The following MIOS variants were observed in gnomAD, a reference collection of about 807,000 sequenced individuals.
The protein encoded by MIOS is GATOR2 complex protein MIOS.
A neutral mutation model predicts 96.9 loss-of-function variants in MIOS; 52 were observed. The ratio of observed to expected loss-of-function variants is 0.54; its 90% CI spans 0.43 to 0.68. MIOS has a LOEUF of 0.68. MIOS is among the 30% of genes least tolerant of loss of function. MIOS has a pLI of 0.00. For synonymous variants in MIOS, 397 were observed against 359.5 expected, an observed-to-expected ratio of 1.10 and a Z score of -1.18; for missense variants, 1,005 against 1,052.8, an observed-to-expected ratio of 0.95 and a Z score of 0.63.
At chr7:7,606,876 A>G (rs907140490) in intron 12 of MIOS, 120 bp from the exon 13 acceptor site, 4 of 764,044 alleles carry the variant, frequency 5.2e-6, no homozygotes, top group Admixed American at 2.7e-5. Flanking sequence ...ACTTGAGCCC[A>G]AAAGTGTGCG....
intron 11 of MIOS, among the ~76,000 whole-genome samples, chr7:7,601,152 A>G (rs1238140906): frequency 6.6e-6 from 1 of 152,200 alleles, no homozygotes; most frequent in Non-Finnish European, 1.5e-5. Context: ...ATCACAATTG[A>G]AAGAACTAGA....
intron 8 of MIOS, among the ~76,000 whole-genome samples, chr7:7,589,083 T>G (rs1283935864): frequency 6.6e-6 from 1 of 152,168 alleles, no homozygotes; most frequent in Non-Finnish European, 1.5e-5. Context: ...TTTGTGATTC[T>G]GTTACATACT....
chr7:7,596,027 C>G (rs1784193845), intron 10 of MIOS, among the ~76,000 whole-genome samples: 1 of 152,042 alleles, frequency 6.6e-6, no homozygotes, highest in South Asian at 2.1e-4. Context: ...GTTCTTCCAC[C>G]AATTTCAGTG....
chr7:7,571,259 A>AT (rs1322792986), intron 3 of MIOS, among the ~76,000 whole-genome samples: 14 of 152,218 alleles, frequency 9.2e-5, no homozygotes, highest in Admixed American at 7.2e-4. Flanking sequence ...TTGAAACACC[A>AT]TTTTTAACTA....
chr7:7,606,441 GTTCTC>G (rs1199280402), intron 12 of MIOS, among the ~76,000 whole-genome samples: 3 of 152,176 alleles, frequency 2.0e-5, no homozygotes, highest in Non-Finnish European at 4.4e-5. Context: ...CTCTGCCTCA[GTTCTC>G]TTCTAAGTAA....
At chr7:7,592,365 T>G (rs565189137) in intron 9 of MIOS, among the ~76,000 whole-genome samples, 1 of 152,224 alleles carries the variant, frequency 6.6e-6, no homozygotes, top group Non-Finnish European at 1.5e-5. Context: ...TTCATTTCAG[T>G]TATTGTGCTT....
At chr7:7,600,953 G>A (rs1453358792) in intron 11 of MIOS, among the ~76,000 whole-genome samples, 1 of 152,132 alleles carries the variant, frequency 6.6e-6, no homozygotes, top group Non-Finnish European at 1.5e-5. Context: ...TGAACAACGT[G>A]CTCCTGAATG....
chr7:7,575,678 T>C (rs77195736), intron 5 of MIOS, among the ~76,000 whole-genome samples: 2,493 of 152,242 alleles, frequency 0.016, 73 homozygotes, highest in African/African-American at 0.057. Context: ...ATTGTGTTTT[T>C]TGTATTTTGA....
At position 7,573,080 on chromosome 7, in the gene MIOS, C is replaced by T. The variant is rs780877408; in HGVS notation, c.605C>T (p.Ala202Val). The T allele has an allele frequency of 8.1e-6, 13 of 1,614,076 alleles. No individual in the cohort carries two copies. Among genetic ancestry groups the T allele is most frequent in the African/African-American group, 1.3e-5 (1 of 75,016 alleles). ...CCACGAGACCAGAAACTTCTCCTTGCTGGTATGCATCGTAACCTAGCTATA... is the reference window on the plus strand; with the variant it reads ...CCACGAGACCAGAAACTTCTCCTTGTTGGTATGCATCGTAACCTAGCTATA... Reference protein sequence around the residue: ...WLPRDQKLLLAGMHRNLAIFD... With the variant: ...WLPRDQKLLLVGMHRNLAIFD... The change falls in exon 4 of 13, where the codon GCT becomes GTT. Residue 202 changes from alanine (A) to valine (V), a missense_variant. Around this residue, in one of 3 missense-constraint regions of MIOS, gnomAD observed 865 missense variants for 887.9 expected, o/e 0.97. Coordinates refer to ENST00000340080, the MANE Select transcript of MIOS (RefSeq NM_019005.4). The surrounding 1 kb of genome is among the most constrained non-coding windows in gnomAD (Gnocchi z 5.0).
rs1261949072 is a variant in MIOS, at chr7:7,572,510, C to T, written c.35C>T (p.Pro12Leu). 5 of 1,613,720 alleles carry T rather than the reference C, an allele frequency of 3.1e-6. No individual in the cohort carries two copies. In the South Asian group the frequency reaches 3.3e-5, roughly 11 times the overall value. The change falls in exon 4 of 13, where the codon CCA (proline) becomes CTA (leucine). Residue 12 changes from proline (P) to leucine (L), a missense_variant. Pro to Leu is a moderately conservative substitution (Grantham distance 98). Coordinates refer to ENST00000340080, the MANE Select transcript of MIOS (RefSeq NM_019005.4). This position sits in a 1 kb window ranked among gnomAD's most constrained non-coding sequence, Gnocchi z 4.8. ...ACCAAACCTGATATTTTATGGGCAC[C>T]ACACCATGTTGATAGATTTGTTGTG... ...SGTKPDILWA[P>L]HHVDRFVVCD...
At chr7:7,596,548 C>T (rs1480618041) in intron 11 of MIOS, 87 bp downstream of exon 11, 1 of 1,276,498 alleles carries the variant, frequency 7.8e-7, no homozygotes, top group Admixed American at 1.8e-5. Flanking sequence ...TACAAACTAG[C>T]TAGAGTTATT....
Position 7,583,186 on chromosome 7 carries a change from G to C in MIOS, c.1462G>C (p.Glu488Gln). 1 of 1,614,146 alleles carries C rather than the reference G, an allele frequency of 6.2e-7. No individual in the cohort carries two copies. Among genetic ancestry groups the C allele is most frequent in the African/African-American group, 1.3e-5 (1 of 75,070 alleles). ...DKQSDIQNLNEERILALQLCG... is the reference protein window; with the variant it reads ...DKQSDIQNLNQERILALQLCG... Reference sequence around the variant, plus strand: ...GCAAAGTGATATTCAAAATTTAAATGAAGAGAGAATCTTAGCTTTACAGCT... The same window carrying C: ...GCAAAGTGATATTCAAAATTTAAATCAAGAGAGAATCTTAGCTTTACAGCT... The change falls in exon 6 of 13, where the codon GAA (glutamate) becomes CAA (glutamine). Residue 488 changes from glutamate to glutamine, a missense_variant. By Grantham distance (29) the Glu-to-Gln change is conservative. Coordinates refer to ENST00000340080, the MANE Select transcript of MIOS (RefSeq NM_019005.4).
At chr7:7,581,679 C>T (rs552622220) in intron 5 of MIOS, 2 of 152,312 alleles carry the variant, frequency 1.3e-5, no homozygotes, top group East Asian at 3.9e-4. Flanking sequence ...CCAGAAATTG[C>T]TCTCAGCTCC....
intron 9 of MIOS, among the ~76,000 whole-genome samples, chr7:7,591,211 A>G (rs1211774850): frequency 6.6e-6 from 1 of 150,762 alleles, no homozygotes; most frequent in Non-Finnish European, 1.5e-5. Context: ...ATGTAGTTTC[A>G]CTGTCTTCTG....
intron 9 of MIOS, among the ~76,000 whole-genome samples, chr7:7,589,944 G>C (rs1228385554): frequency 6.6e-6 from 1 of 152,122 alleles, no homozygotes; most frequent in Admixed American, 6.5e-5. Context: ...TTATACCACA[G>C]CTCTCAGCTT....
chr7:7,568,820 C>T (rs1783245965), intron 3 of MIOS, among the ~76,000 whole-genome samples: 1 of 152,216 alleles, frequency 6.6e-6, no homozygotes, highest in African/African-American at 2.4e-5. Flanking sequence ...TAGTCTTTTT[C>T]TCTCAAGTTT....
intron 9 of MIOS, among the ~76,000 whole-genome samples, chr7:7,592,544 A>G (rs1784078434): frequency 6.6e-6 from 1 of 152,126 alleles, no homozygotes; most frequent in Non-Finnish European, 1.5e-5. Context: ...TAATGAAATA[A>G]TTCTACAACT....
intron 7 of MIOS, 148 bp from the exon 8 acceptor site, chr7:7,588,350 C>T (rs188020380): frequency 1.1e-4 from 45 of 421,996 alleles, no homozygotes; most frequent in Non-Finnish European, 5.4e-5. Flanking sequence ...GCATCTCAGG[C>T]AATTAATGGC....
intron 7 of MIOS, 28 bp downstream of exon 7, chr7:7,585,833 C>T: frequency 5.1e-6 from 8 of 1,559,516 alleles, no homozygotes; most frequent in Non-Finnish European, 7.0e-6. Flanking sequence ...TTAAGATCTT[C>T]CTTTGAATTA....
Sources: gnomAD v4.1 joint callset for allele counts (sites outside exome capture counted in the v4.1 genomes callset) on GRCh38, gnomAD v4.1.1 for gene constraint, gnomAD v4.1.1 regional missense constraint, Gnocchi (gnomAD v3.1) non-coding constraint, MANE v1.5 for transcripts, NCBI Gene and HGNC (gene_info 2026-07-23, HGNC 2026-07-21) for gene names.